The following PGR variants were observed in gnomAD, a reference collection of about 807,000 sequenced individuals.
The protein encoded by PGR is progesterone receptor.
PGR carries 25 observed loss-of-function variants against 76.1 expected under a neutral mutation model. The ratio of observed to expected loss-of-function variants is 0.33; its 90% CI spans 0.24 to 0.46. The LOEUF is 0.46. PGR is among the 20% of genes least tolerant of loss of function. The pLI is 1.00. For missense variants in PGR, 1,172 were observed against 1,225.3 expected (o/e 0.96, Z 0.65); for synonymous variants, 579 against 535.0 (o/e 1.08, Z -1.14).
chr11:101,061,882 G>A (rs975722459), intron 4 of PGR, among the ~76,000 whole-genome samples: 20 of 152,132 alleles, frequency 1.3e-4, no homozygotes, highest in Admixed American at 2.6e-4. Flanking sequence ...TCTCTCTGTT[G>A]CTGGGCGATA....
At chr11:101,052,510 G>A (rs1299756368) in intron 4 of PGR, among the ~76,000 whole-genome samples, 1 of 152,104 alleles carries the variant, frequency 6.6e-6, no homozygotes, top group Non-Finnish European at 1.5e-5. Flanking sequence ...GGTGGGAGAA[G>A]CAAAGATGTG....
At chr11:101,046,746 T>C (rs1301665512) in intron 6 of PGR, among the ~76,000 whole-genome samples, 1 of 152,150 alleles carries the variant, frequency 6.6e-6, no homozygotes, top group Non-Finnish European at 1.5e-5. Context: ...ACAGTTTTTT[T>C]CCAAATATAA....
At chr11:101,076,655 A>G (rs1027173314) in intron 3 of PGR, among the ~76,000 whole-genome samples, 2 of 151,946 alleles carry the variant, frequency 1.3e-5, no homozygotes, top group African/African-American at 4.8e-5. Flanking sequence ...GACAAGTGAT[A>G]TGAAAGGTTT....
rs1357450142 is a variant in PGR at position 101,128,637 on chromosome 11, G to C, written c.434C>G (p.Pro145Arg). The stretch of plus-strand genomic sequence containing the variant: ...AGCCGGTGGATCTTCGGGAAGTTCG[G>C]GGCCAAACAGGCACCAAGAGCTGGT... ...EVTSSWCLFG[P>R]ELPEDPPAAP... Residue 145 changes from proline (P) to arginine (R), a missense_variant, in exon 1 of 8, where the codon CCC becomes CGC. Coordinates refer to ENST00000325455, the MANE Select transcript of PGR (RefSeq NM_000926.4). 1 of 1,589,046 alleles carries C rather than the reference G, an allele frequency of 6.3e-7. No individual in the cohort carries two copies. Among genetic ancestry groups the C allele is most frequent in the Non-Finnish European group, 8.6e-7 (1 of 1,169,414 alleles).
At chr11:101,063,137 C>A (rs1423499484) in intron 3 of PGR, 1 of 165,252 alleles carries the variant, frequency 6.1e-6, no homozygotes, top group Non-Finnish European at 1.3e-5. Context: ...AACAGCCTTC[C>A]AAAATCTAAT....
intron 2 of PGR, among the ~76,000 whole-genome samples, chr11:101,102,513 T>C (rs1479760338): frequency 1.3e-5 from 2 of 152,182 alleles, no homozygotes; most frequent in African/African-American, 4.8e-5. Context: ...TTCACGTTAG[T>C]AAGTCAGGGG....
chr11:101,078,043 G>A (rs752115799), intron 3 of PGR, among the ~76,000 whole-genome samples: 14 of 152,160 alleles, frequency 9.2e-5, no homozygotes, highest in Admixed American at 2.0e-4. Flanking sequence ...GAATTTTGCA[G>A]TTCTTCCAAA....
chr11:101,047,840 C>T (rs1859945905), intron 6 of PGR, among the ~76,000 whole-genome samples: 2 of 151,968 alleles, frequency 1.3e-5, no homozygotes, highest in Non-Finnish European at 1.5e-5. Flanking sequence ...TCCACTGAGG[C>T]AGAGGTAAGT....
intron 4 of PGR, among the ~76,000 whole-genome samples, chr11:101,061,732 G>A (rs1361830984): frequency 2.6e-5 from 4 of 152,108 alleles, no homozygotes; most frequent in African/African-American, 9.7e-5. Context: ...TCCTGGCTCT[G>A]CAGTCTAAGA....
At chr11:101,079,625 G>T (rs1861235766) in intron 3 of PGR, among the ~76,000 whole-genome samples, 1 of 152,154 alleles carries the variant, frequency 6.6e-6, no homozygotes, top group African/African-American at 2.4e-5. Flanking sequence ...TGCTGGTGAG[G>T]ATATGGAGAA....
At chr11:101,060,104 A>G (rs915553300) in intron 4 of PGR, among the ~76,000 whole-genome samples, 1 of 152,112 alleles carries the variant, frequency 6.6e-6, no homozygotes, top group African/African-American at 2.4e-5. Context: ...TTCCAAATAC[A>G]GTTTCCTATT....
intron 2 of PGR, among the ~76,000 whole-genome samples, chr11:101,123,253 G>A (rs118124681): frequency 5.3e-5 from 8 of 152,284 alleles, no homozygotes; most frequent in African/African-American, 9.6e-5. Context: ...CACAGAGAAA[G>A]CATTTTATAA....
At chr11:101,041,788 A>AC in intron 7 of PGR, 157 bp downstream of exon 7, 1 of 645,194 alleles carries the variant, frequency 1.5e-6, no homozygotes, top group Non-Finnish European at 2.6e-6. Context: ...TGAAAAAAAA[A>AC]CACAATAAAA....
At chr11:101,112,096 A>G (rs145685828) in intron 2 of PGR, among the ~76,000 whole-genome samples, 11 of 152,318 alleles carry the variant, frequency 7.2e-5, no homozygotes, top group East Asian at 5.8e-4. Context: ...ACAATTGCCC[A>G]TAAGATTTAG....
intron 3 of PGR, among the ~76,000 whole-genome samples, chr11:101,083,997 C>T (rs1861405336): frequency 1.3e-5 from 2 of 152,070 alleles, no homozygotes; most frequent in South Asian, 4.1e-4. Flanking sequence ...GTATCCCCAT[C>T]CAAATCTCAC....
intron 4 of PGR, among the ~76,000 whole-genome samples, chr11:101,062,040 T>G (rs910891087): frequency 3.3e-5 from 5 of 152,228 alleles, no homozygotes; most frequent in Admixed American, 2.0e-4. Context: ...TACTTTGATT[T>G]GTTATATGAC....
Position 101,031,239 on chromosome 11 carries a change from C to T in PGR, c.*7877G>A, listed in dbSNP as rs1193918631. The T allele has an allele frequency of 2.3e-5, 5 of 222,114 alleles. No individual in the cohort carries two copies. The highest frequency in any genetic ancestry group is 4.5e-5 in the Non-Finnish European group (5 of 111,110). The allele number at this position is 222,114 out of a possible 1,614,324, so 13.8% of individuals were successfully genotyped here. On this transcript the variant is annotated 3_prime_UTR_variant, in exon 8 of 8. Coordinates refer to ENST00000325455, the MANE Select transcript of PGR (RefSeq NM_000926.4). ...TGAAAGAATAGATAAATTCACAAGC[C>T]AAAGACTTAAATATGAGATGATAGC...
intron 3 of PGR, among the ~76,000 whole-genome samples, chr11:101,067,989 G>A (rs1322692784): frequency 6.6e-6 from 1 of 152,042 alleles, no homozygotes; most frequent in African/African-American, 2.4e-5. Context: ...AGAGGTTTCT[G>A]GAGAAAGATA....
intron 2 of PGR, among the ~76,000 whole-genome samples, chr11:101,122,644 C>T (rs1565369779): frequency 6.6e-6 from 1 of 152,194 alleles, no homozygotes; most frequent in East Asian, 1.9e-4. Flanking sequence ...ATATCCTAAA[C>T]AGTTCAATTA....
Sources: allele counts gnomAD v4.1 joint callset (sites outside exome capture counted in the v4.1 genomes callset), GRCh38; gene constraint gnomAD v4.1.1; transcripts MANE v1.5; gene names NCBI Gene and HGNC (gene_info 2026-07-23, HGNC 2026-07-21).